Variants in SMOC1 observed in about 807,000 individuals in gnomAD.
SMOC1 encodes SPARC related modular calcium binding 1, also known as SPARC-related modular calcium-binding protein 1.
SMOC1 carries 22 observed loss-of-function variants against 56.3 expected under a neutral mutation model. The ratio of observed to expected loss-of-function variants is 0.39; its 90% CI spans 0.28 to 0.56. The LOEUF (loss-of-function observed/expected upper bound fraction) is 0.56. Ranked by LOEUF, SMOC1 falls within the 20% of genes least tolerant of loss-of-function variation. The pLI is 0.61. For missense variants in SMOC1, 509 were observed against 565.4 expected, an observed-to-expected ratio of 0.90 and a Z score of 1.01; for synonymous variants, 193 against 215.0, an observed-to-expected ratio of 0.90 and a Z score of 0.89.
At chr14:69,985,441 C>A (rs1047797740) in intron 5 of SMOC1, among the ~76,000 whole-genome samples, 1 of 152,112 alleles carries the variant, frequency 6.6e-6, no homozygotes, top group African/African-American at 2.4e-5. Flanking sequence ...ACACAAAAAA[C>A]CTGTACACGA....
intron 1 of SMOC1, among the ~76,000 whole-genome samples, chr14:69,922,197 A>G (rs1389047483): frequency 1.3e-5 from 2 of 152,228 alleles, no homozygotes; most frequent in Non-Finnish European, 2.9e-5. Context: ...TCATTGGTAA[A>G]ATAAAAGTGC....
At chr14:69,982,972 C>T (rs1161908421) in intron 5 of SMOC1, among the ~76,000 whole-genome samples, 1 of 152,206 alleles carries the variant, frequency 6.6e-6, no homozygotes, top group Non-Finnish European at 1.5e-5. Context: ...CCGCCTCCAC[C>T]AAGCCTGGAA....
chr14:70,015,716 T>C (rs227407), intron 10 of SMOC1, among the ~76,000 whole-genome samples: 115,219 of 151,950 alleles, frequency 0.76, 44,933 homozygotes, highest in African/African-American at 0.92. Context: ...GGAGGCGGCC[T>C]GTGGCACTCA....
rs1265103537 is a variant in SMOC1 at position 70,030,573 on chromosome 14, G to C, written c.*315G>C. 2.4e-6 allele frequency: 1 copy of C among 417,146 alleles called. No individual in the cohort carries two copies. The highest frequency in any genetic ancestry group is 4.2e-6 in the Non-Finnish European group (1 of 236,830). The allele number at this position is 417,146 out of a possible 1,614,324, so 25.8% of individuals were successfully genotyped here. A position where few individuals can be genotyped will look rare whatever the true frequency, so the allele number is the denominator to read the frequency against. ...GGTGGGGGAGGGTGTTGTTGGGGCT[G>C]AGAAGAAAGAGATTTATATGCTGTA... is the stretch of plus-strand genomic sequence containing the variant. On this transcript the variant is annotated 3_prime_UTR_variant, in exon 12 of 12. Coordinates refer to ENST00000361956, the MANE Select transcript of SMOC1 (RefSeq NM_001034852.3).
At chr14:70,000,610 A>G (rs1008575549) in intron 7 of SMOC1, among the ~76,000 whole-genome samples, 1 of 152,208 alleles carries the variant, frequency 6.6e-6, no homozygotes, top group Non-Finnish European at 1.5e-5. Context: ...TTAAAAAGAA[A>G]AATGCCTCCA....
chr14:69,886,124 T>G, intron 1 of SMOC1: 1 of 1,533,890 alleles, frequency 6.5e-7, no homozygotes, highest in Non-Finnish European at 8.9e-7. Flanking sequence ...TCCCTTGGCC[T>G]TCTTTCCTTT....
At chr14:70,008,754 G>A (rs535307015) in intron 7 of SMOC1, among the ~76,000 whole-genome samples, 3 of 152,332 alleles carry the variant, frequency 2.0e-5, no homozygotes, top group East Asian at 1.9e-4. Flanking sequence ...TTACATGAAC[G>A]TGGTGTCAGT....
At chr14:69,966,544 G>A (rs1050124323) in intron 3 of SMOC1, among the ~76,000 whole-genome samples, 19 of 152,114 alleles carry the variant, frequency 1.2e-4, no homozygotes, top group African/African-American at 4.1e-4. Flanking sequence ...GATTAAAGAG[G>A]ACCTCAGAGA....
At chr14:69,891,560 C>T (rs1227585216) in intron 1 of SMOC1, among the ~76,000 whole-genome samples, 1 of 152,092 alleles carries the variant, frequency 6.6e-6, no homozygotes, top group Non-Finnish European at 1.5e-5. Flanking sequence ...TCCCTCCCTA[C>T]CCCCTGAACT....
chr14:69,987,970 CAGGGCTCTGGGACCAGGCAGTTTCCAAA>C (rs1379124079), intron 5 of SMOC1, among the ~76,000 whole-genome samples: 7 of 152,330 alleles, frequency 4.6e-5, no homozygotes, highest in Admixed American at 3.9e-4. Context: ...GGCCAAATGC[CAGGGCTCTGGGACCAGGCAGTTTCCAAA>C]GCTGCTTGCT....
At chr14:69,937,386 C>A (rs549897734) in intron 1 of SMOC1, among the ~76,000 whole-genome samples, 1 of 152,334 alleles carries the variant, frequency 6.6e-6, no homozygotes, top group African/African-American at 2.4e-5. Flanking sequence ...TTGCTCTGCC[C>A]TGGAACTGAA....
In SMOC1 at chr14:69,940,371, G is replaced by A. The variant is rs377643735; in HGVS notation, c.100-11767G>A. On this transcript the variant is annotated intron_variant, in intron 1 of 11. Transcript: ENST00000361956. ...AGCGCTCACTGCCACAAGCCAGCAG[G>A]CTCAGTGCCATGCTAGATATTTGTG... 4.6e-5 allele frequency among the ~76,000 whole-genome samples: 7 copies of A among 152,310 alleles called. No individual in the cohort carries two copies. In the East Asian group the frequency reaches 5.8e-4, roughly 13 times the overall value.
At chr14:69,922,933 T>C (rs1029599550) in intron 1 of SMOC1, among the ~76,000 whole-genome samples, 9 of 118,198 alleles carry the variant, frequency 7.6e-5, no homozygotes, top group Non-Finnish European at 1.4e-4. Flanking sequence ...CTCAGCCCTC[T>C]TTTTTTTGTT....
intron 1 of SMOC1, among the ~76,000 whole-genome samples, chr14:69,884,218 A>G (rs1883732619): frequency 6.6e-6 from 1 of 152,142 alleles, no homozygotes; most frequent in South Asian, 2.1e-4. Context: ...GCATTTTTAA[A>G]TATACCTATT....
At chr14:69,986,114 G>C (rs1386862528) in intron 5 of SMOC1, among the ~76,000 whole-genome samples, 1 of 152,162 alleles carries the variant, frequency 6.6e-6, no homozygotes, top group Non-Finnish European at 1.5e-5. Context: ...AACTTGAGTG[G>C]ATCTCAAGGG....
In SMOC1 at chr14:69,913,812, C is replaced by T. The variant is rs566209928; in HGVS notation, c.99+34035C>T. Reference sequence around the variant, plus strand: ...ACAGCAGCCCTGAGAAAAACCCTGGCTAGAGTTTTAAGAGTCCTAGGAATG... The same window carrying T: ...ACAGCAGCCCTGAGAAAAACCCTGGTTAGAGTTTTAAGAGTCCTAGGAATG... On this transcript the variant is annotated intron_variant, in intron 1 of 11. Transcript: ENST00000361956. 6.6e-5 allele frequency among the ~76,000 whole-genome samples: 10 copies of T among 152,278 alleles called. No individual in the cohort carries two copies. In the South Asian group the frequency reaches 2.1e-3, roughly 32 times the overall value.
chr14:69,984,287 G>A (rs1323032501), intron 5 of SMOC1, among the ~76,000 whole-genome samples: 1 of 152,130 alleles, frequency 6.6e-6, no homozygotes, highest in Non-Finnish European at 1.5e-5. Flanking sequence ...ATTCAAAATG[G>A]ATCGTAGACT....
intron 1 of SMOC1, among the ~76,000 whole-genome samples, chr14:69,940,131 T>C (rs184920764): frequency 6.6e-6 from 1 of 152,312 alleles, no homozygotes; most frequent in East Asian, 1.9e-4. Flanking sequence ...ATTCTGTCTG[T>C]TTTGGGATCT....
chr14:69,952,438 C>A, intron 2 of SMOC1, 135 bp downstream of exon 2: 1 of 1,035,796 alleles, frequency 9.7e-7, no homozygotes, highest in Non-Finnish European at 1.4e-6. Flanking sequence ...ACCCCTTCCA[C>A]CAGGGCCAAG....
Sources: gnomAD v4.1 joint callset for allele counts (sites outside exome capture counted in the v4.1 genomes callset) on GRCh38, gnomAD v4.1.1 for gene constraint, MANE v1.5 for transcripts, NCBI Gene and HGNC (gene_info 2026-07-23, HGNC 2026-07-21) for gene names.